GTSF1: variants seen among roughly 807,000 people sequenced by gnomAD.
GTSF1 encodes the protein gametocyte-specific factor 1.
In GTSF1, 11 loss-of-function variants were observed where a neutral mutation model predicts 28.9. The ratio of observed to expected loss-of-function variants is 0.38; its 90% CI spans 0.24 to 0.63. The LOEUF is 0.63. Among genes scored for constraint, GTSF1 ranks in the 30% least tolerant of loss-of-function variants. The pLI is 0.56. For synonymous variants in GTSF1, 69 were observed against 65.6 expected (o/e 1.05, Z -0.25); for missense variants, 146 against 201.0 (o/e 0.73, Z 1.66).
intron 8 of GTSF1, among the ~76,000 whole-genome samples, chr12:54,457,787 T>TA (rs11418107): frequency 0.11 from 16,024 of 152,254 alleles, 1,013 homozygotes; most frequent in African/African-American, 0.17. Context: ...AGTGCTGGTG[T>TA]ATCTCTTTTC....
intron 6 of GTSF1, 57 bp from the exon 7 acceptor site, chr12:54,460,528 C>A (rs780044581): frequency 1.8e-6 from 2 of 1,116,970 alleles, no homozygotes; most frequent in Non-Finnish European, 2.7e-6. Context: ...AGCAGGCACA[C>A]GTAAGATAAT....
At chr12:54,469,495 C>A (rs1956567371) in intron 2 of GTSF1, among the ~76,000 whole-genome samples, 1 of 151,508 alleles carries the variant, frequency 6.6e-6, no homozygotes, top group Non-Finnish European at 1.5e-5. Context: ...CGAGACCAGC[C>A]TGGCCAACAT....
Position 54,456,081 on chromosome 12 carries a change from C to G in GTSF1, c.*93G>C, listed in dbSNP as rs1227115622. ...GGAAAGTCACAGGGAGTTTACCATT[C>G]TATAATTAGATTAGGAGGAAAATGA... On this transcript the variant is annotated 3_prime_UTR_variant, in exon 9 of 9. Transcript: ENST00000305879. 2 of 152,398 alleles carry G rather than the reference C, an allele frequency of 1.3e-5. No homozygotes were observed. The highest frequency in any genetic ancestry group is 2.9e-5 in the Non-Finnish European group (2 of 68,020). 9.4% of individuals were successfully genotyped at this position (152,398 alleles called of 1,614,324 possible).
At chr12:54,458,981 T>A (rs1592314847) in intron 8 of GTSF1, 108 bp downstream of exon 8, 2 of 715,362 alleles carry the variant, frequency 2.8e-6, no homozygotes, top group East Asian at 5.2e-5. Flanking sequence ...CACACAAAGC[T>A]TTAATTTGGT....
chr12:54,469,057 A>T (rs1361765412), intron 2 of GTSF1: 1 of 152,248 alleles, frequency 6.6e-6, no homozygotes, highest in Non-Finnish European at 1.5e-5. Flanking sequence ...TATACCATAC[A>T]GGGACTTCAC....
At chr12:54,473,127 CCTA>C (rs1447030952) in intron 1 of GTSF1, among the ~76,000 whole-genome samples, 1 of 152,044 alleles carries the variant, frequency 6.6e-6, no homozygotes, top group Non-Finnish European at 1.5e-5. Context: ...TTACCTTTTC[CCTA>C]CTACTAGATC....
At chr12:54,472,816 A>C (rs1196001419) in intron 1 of GTSF1, among the ~76,000 whole-genome samples, 1 of 152,214 alleles carries the variant, frequency 6.6e-6, no homozygotes, top group East Asian at 1.9e-4. Flanking sequence ...ATTTGTCTTA[A>C]AAATATTTTT....
At chr12:54,459,362 G>C in intron 7 of GTSF1, 1 of 1,415,228 alleles carries the variant, frequency 7.1e-7, no homozygotes, top group Non-Finnish European at 9.2e-7. Context: ...GGAAATGCAA[G>C]TATCCAGGGA....
chr12:54,458,948 T>G (rs1425949146), intron 8 of GTSF1, 141 bp downstream of exon 8: 3 of 562,772 alleles, frequency 5.3e-6, no homozygotes, highest in Non-Finnish European at 9.6e-6. Flanking sequence ...TAACAGAGGC[T>G]ATATACTTAA....
chr12:54,464,058 A>G (rs1032900228), intron 3 of GTSF1, among the ~76,000 whole-genome samples: 2 of 152,242 alleles, frequency 1.3e-5, no homozygotes, highest in Non-Finnish European at 2.9e-5. Flanking sequence ...GAAAAGTAAA[A>G]ATAATATGAA....
rs1373933912 is a variant in GTSF1 at position 54,462,690 on chromosome 12, C to T, written c.280G>A (p.Ala94Thr). The T allele has an allele frequency of 6.2e-7, 1 of 1,614,060 alleles. No individual in the cohort carries two copies. Among genetic ancestry groups the T allele is most frequent in the South Asian group, 1.1e-5 (1 of 91,082 alleles). Residue 94 changes from alanine to threonine, a missense_variant, in exon 5 of 9, where the codon GCT becomes ACT. Ala to Thr is a moderately conservative substitution (Grantham distance 58, BLOSUM62 0). Transcript: ENST00000305879. The part of the protein sequence containing the change: ...QTRSLRQETL[A>T]ESTWQCPPCD... ...GGAGGGCACTGCCAAGTGCTCTCAG[C>T]CAGAGTCTCTTGTCTAAGGCTCCTG...
At chr12:54,462,054 T>G in intron 6 of GTSF1, 55 bp downstream of exon 6, 1 of 1,349,518 alleles carries the variant, frequency 7.4e-7, no homozygotes, top group Non-Finnish European at 1.1e-6. Flanking sequence ...CTTCTCTTGG[T>G]AACAGAACAC....
intron 2 of GTSF1, among the ~76,000 whole-genome samples, chr12:54,470,418 A>G (rs1049090352): frequency 2.0e-5 from 3 of 152,180 alleles, no homozygotes; most frequent in Admixed American, 6.5e-5. Flanking sequence ...TTTAATAAAG[A>G]TTATTTCTAT....
At chr12:54,457,179 TAATTA>T (rs1294016873) in intron 8 of GTSF1, among the ~76,000 whole-genome samples, 2 of 152,220 alleles carry the variant, frequency 1.3e-5, no homozygotes, top group African/African-American at 4.8e-5. Flanking sequence ...TTATCTAATC[TAATTA>T]TTTTTCTGAT....
chr12:54,466,537 G>A (rs1045972171), intron 2 of GTSF1, among the ~76,000 whole-genome samples: 6 of 152,134 alleles, frequency 3.9e-5, no homozygotes, highest in African/African-American at 1.2e-4. Context: ...TCATATTTCC[G>A]AAGCTTCAGG....
At chr12:54,470,365 C>T (rs1172278231) in intron 2 of GTSF1, among the ~76,000 whole-genome samples, 3 of 152,140 alleles carry the variant, frequency 2.0e-5, no homozygotes, top group Non-Finnish European at 4.4e-5. Context: ...CCAGGTGATT[C>T]TGCTGCATGT....
chr12:54,470,007 T>C (rs1042584329), intron 2 of GTSF1, among the ~76,000 whole-genome samples: 1 of 152,112 alleles, frequency 6.6e-6, no homozygotes, highest in Non-Finnish European at 1.5e-5. Context: ...CCGGCCGGTC[T>C]CTACTAAAAA....
intron 6 of GTSF1, among the ~76,000 whole-genome samples, chr12:54,461,714 C>T (rs1386505307): frequency 6.6e-6 from 1 of 152,096 alleles, no homozygotes; most frequent in African/African-American, 2.4e-5. Context: ...TCTGGATTTT[C>T]CAATCTCAAA....
chr12:54,473,519 G>C (rs1956613962), intron 1 of GTSF1, 27 bp downstream of exon 1: 1 of 152,196 alleles, frequency 6.6e-6, no homozygotes, highest in African/African-American at 2.4e-5. Flanking sequence ...GAATTGCTTA[G>C]AGGCGCCCCG....
Sources: allele counts gnomAD v4.1 joint callset (sites outside exome capture counted in the v4.1 genomes callset), GRCh38; gene constraint gnomAD v4.1.1; transcripts MANE v1.5; gene names NCBI Gene and HGNC (gene_info 2026-07-23, HGNC 2026-07-21).